DLGAP1: variants seen among roughly 807,000 people sequenced by gnomAD.
DLGAP1 encodes DLG associated protein 1.
A neutral mutation model predicts 90.8 loss-of-function variants in DLGAP1; 11 were observed. The ratio of observed to expected loss-of-function variants is 0.12; its 90% CI spans 0.08 to 0.20. The LOEUF (loss-of-function observed/expected upper bound fraction) is 0.20. Ranked by LOEUF, DLGAP1 falls within the 10% of genes least tolerant of loss-of-function variation. DLGAP1 has a pLI of 1.00. For missense variants in DLGAP1, 1,050 were observed against 1,333.8 expected, an observed-to-expected ratio of 0.79 and a Z score of 3.31; for synonymous variants, 558 against 540.7, an observed-to-expected ratio of 1.03 and a Z score of -0.44.
chr18:3,690,587 T>G (rs938653391), intron 7 of DLGAP1, among the ~76,000 whole-genome samples: 3 of 152,042 alleles, frequency 2.0e-5, no homozygotes, highest in Non-Finnish European at 4.4e-5. Flanking sequence ...GTGATGAAAG[T>G]GCCCAGAGGA....
In DLGAP1 at chr18:4,331,266, G is replaced by A. The variant is rs149008087; in HGVS notation, c.-267+123740C>T. Among the ~76,000 whole-genome samples, 454 of 151,776 alleles carry A rather than the reference G, an allele frequency of 3.0e-3. 1 individual carries two copies. The highest frequency in any genetic ancestry group is 5.2e-3 in the Admixed American group (80 of 15,248). ...GTGTTTTCTCCACCCCTCCACCAGT[G>A]CATCACTCCCATTATCGAGCTCTCT... On this transcript the variant is annotated intron_variant, in intron 1 of 12. Transcript: ENST00000315677.
intron 3 of DLGAP1, among the ~76,000 whole-genome samples, chr18:3,924,482 T>C (rs1353979386): frequency 1.3e-5 from 2 of 152,180 alleles, no homozygotes; most frequent in Non-Finnish European, 2.9e-5. Context: ...CACAAAGCAG[T>C]TTACTAAGTC....
intron 2 of DLGAP1, among the ~76,000 whole-genome samples, chr18:4,114,796 C>T (rs2076034231): frequency 6.6e-6 from 1 of 152,040 alleles, no homozygotes; most frequent in African/African-American, 2.4e-5. Flanking sequence ...TTTCTGTTTG[C>T]ATGGTATATC....
At chr18:4,125,486 A>G (rs1568410229) in intron 2 of DLGAP1, among the ~76,000 whole-genome samples, 2 of 152,172 alleles carry the variant, frequency 1.3e-5, no homozygotes, top group Non-Finnish European at 2.9e-5. Context: ...GACTCAAGCA[A>G]TATTGGCAAA....
chr18:3,680,764 GGA>G (rs1479262756), intron 7 of DLGAP1, among the ~76,000 whole-genome samples: 2 of 134,732 alleles, frequency 1.5e-5, no homozygotes, highest in Non-Finnish European at 3.0e-5. Flanking sequence ...ACTCCAGCCT[GGA>G]AGACAGAGCG....
intron 4 of DLGAP1, among the ~76,000 whole-genome samples, chr18:3,826,814 A>AAGAGT (rs968899109): frequency 6.6e-6 from 1 of 152,218 alleles, no homozygotes; most frequent in African/African-American, 2.4e-5. Flanking sequence ...CAAGGGCAAC[A>AAGAGT]AGAGTAGAAT....
At chr18:3,717,411 A>G (rs1379551453) in intron 7 of DLGAP1, among the ~76,000 whole-genome samples, 1 of 152,184 alleles carries the variant, frequency 6.6e-6, no homozygotes, top group Non-Finnish European at 1.5e-5. Flanking sequence ...AGTGCAGAGA[A>G]AGAACACGAA....
intron 7 of DLGAP1, among the ~76,000 whole-genome samples, chr18:3,704,270 C>A (rs988260974): frequency 5.3e-5 from 8 of 152,082 alleles, no homozygotes; most frequent in African/African-American, 1.9e-4. Context: ...ATTCTGTTTC[C>A]CACATTAAAG....
chr18:3,563,987 C>A (rs1180498677), intron 9 of DLGAP1, among the ~76,000 whole-genome samples: 1 of 152,130 alleles, frequency 6.6e-6, no homozygotes, highest in Non-Finnish European at 1.5e-5. Context: ...CTGCTTCTTT[C>A]ATTAGAGCCC....
chr18:3,731,810 T>C (rs553179099), intron 6 of DLGAP1, among the ~76,000 whole-genome samples: 3 of 152,252 alleles, frequency 2.0e-5, no homozygotes, highest in Non-Finnish European at 2.9e-5. Flanking sequence ...TAGAACTTAA[T>C]GAATTATAAT....
At chr18:3,706,317 T>C (rs2061432193) in intron 7 of DLGAP1, among the ~76,000 whole-genome samples, 1 of 152,058 alleles carries the variant, frequency 6.6e-6, no homozygotes. Context: ...TTTTTCACAC[T>C]CAGTTTGGAA....
chr18:3,642,245 G>T (rs923758140), intron 7 of DLGAP1, among the ~76,000 whole-genome samples: 3 of 152,132 alleles, frequency 2.0e-5, no homozygotes, highest in Non-Finnish European at 4.4e-5. Flanking sequence ...TTTTTGAATT[G>T]GATTGGAATC....
intron 3 of DLGAP1, among the ~76,000 whole-genome samples, chr18:3,994,920 T>C (rs1408986910): frequency 6.6e-6 from 1 of 152,188 alleles, no homozygotes; most frequent in Non-Finnish European, 1.5e-5. Context: ...ATTAGAAAAT[T>C]CATTGCATAT....
At chr18:3,969,625 C>T (rs929570640) in intron 3 of DLGAP1, among the ~76,000 whole-genome samples, 22 of 152,116 alleles carry the variant, frequency 1.4e-4, no homozygotes, top group Admixed American at 7.2e-4. Context: ...TTCACGATTT[C>T]GGTCTATTCT....
intron 3 of DLGAP1, chr18:3,962,381 T>C (rs1447589337): frequency 6.6e-6 from 1 of 152,198 alleles, no homozygotes; most frequent in Non-Finnish European, 1.5e-5. Flanking sequence ...TGCTGGTGTG[T>C]AGAATGAATT....
intron 3 of DLGAP1, among the ~76,000 whole-genome samples, chr18:3,884,342 CT>C (rs1484838380): frequency 2.0e-5 from 3 of 152,122 alleles, no homozygotes; most frequent in Non-Finnish European, 2.9e-5. Flanking sequence ...CACATACTAA[CT>C]TTTATGATCA....
chr18:3,508,208 A>G (rs2050351384), intron 11 of DLGAP1, among the ~76,000 whole-genome samples: 1 of 152,204 alleles, frequency 6.6e-6, no homozygotes, highest in Non-Finnish European at 1.5e-5. Flanking sequence ...ACTATCCAAA[A>G]TGATTTTTTT....
chr18:3,870,832 G>T (rs918678500), intron 4 of DLGAP1, among the ~76,000 whole-genome samples: 3 of 152,178 alleles, frequency 2.0e-5, no homozygotes, highest in Non-Finnish European at 2.9e-5. Flanking sequence ...AATGTGTTCT[G>T]CTCTATGCAT....
chr18:3,516,285 G>A (rs4798098), intron 10 of DLGAP1, among the ~76,000 whole-genome samples: 8,481 of 151,574 alleles, frequency 0.056, 328 homozygotes, highest in Admixed American at 0.078. Flanking sequence ...AATTTATGGG[G>A]TACAGGAGAT....
Sources: allele counts gnomAD v4.1 joint callset (sites outside exome capture counted in the v4.1 genomes callset), GRCh38; gene constraint gnomAD v4.1.1; transcripts MANE v1.5; gene names NCBI Gene and HGNC (gene_info 2026-07-23, HGNC 2026-07-21).